Variants in AKAP7 observed in about 807,000 individuals in gnomAD.
AKAP7 encodes the protein A-kinase anchoring protein 7.
Under a neutral mutation model 39.5 loss-of-function variants are expected in AKAP7, and 39 were observed. The ratio of observed to expected loss-of-function variants is 0.99; its 90% CI spans 0.76 to 1.29. The LOEUF (loss-of-function observed/expected upper bound fraction) is 1.29, where lower values mean the gene tolerates loss of function less well. AKAP7 is among the 50% of genes most tolerant of loss of function. AKAP7 has a pLI of 0.00. For missense variants in AKAP7, 414 were observed against 407.7 expected, an observed-to-expected ratio of 1.02 and a Z score of -0.13; for synonymous variants, 140 against 139.1, an observed-to-expected ratio of 1.01 and a Z score of -0.05.
chr6:131,254,651 C>G (rs1187271172), intron 7 of AKAP7, among the ~76,000 whole-genome samples: 1 of 152,126 alleles, frequency 6.6e-6, no homozygotes, highest in Admixed American at 6.6e-5. Context: ...TATTCAAGGA[C>G]AGGATGGGGA....
chr6:131,184,751 C>T, intron 5 of AKAP7: 1 of 1,042,242 alleles, frequency 9.6e-7, no homozygotes, highest in South Asian at 1.3e-5. Context: ...CTCTGGGAAA[C>T]AGGAGTGGGT....
At chr6:131,222,368 G>A (rs1372647350) in intron 7 of AKAP7, among the ~76,000 whole-genome samples, 5 of 151,782 alleles carry the variant, frequency 3.3e-5, no homozygotes, top group Non-Finnish European at 5.9e-5. Flanking sequence ...TACTAAAAAT[G>A]CAAAAAATAC....
intron 7 of AKAP7, among the ~76,000 whole-genome samples, chr6:131,220,601 G>A (rs2128298325): frequency 6.6e-6 from 1 of 151,998 alleles, no homozygotes; most frequent in Middle Eastern, 3.4e-3. Context: ...GTTTTATTGT[G>A]CTTTGCTTTA....
intron 5 of AKAP7, among the ~76,000 whole-genome samples, chr6:131,182,810 A>T (rs1480984182): frequency 6.6e-6 from 1 of 151,836 alleles, no homozygotes; most frequent in Non-Finnish European, 1.5e-5. Context: ...TTTTTTGATA[A>T]TGGCCCTTTT....
intron 3 of AKAP7, among the ~76,000 whole-genome samples, chr6:131,162,942 C>G (rs1487257127): frequency 6.6e-6 from 1 of 152,224 alleles, no homozygotes; most frequent in African/African-American, 2.4e-5. Flanking sequence ...TTAGTGCATG[C>G]CCATACCTAG....
intron 5 of AKAP7, chr6:131,184,346 G>A: frequency 3.1e-6 from 2 of 645,488 alleles, no homozygotes; most frequent in South Asian, 2.7e-5. Context: ...TCTTGTTCTG[G>A]TAGATGGAAG....
chr6:131,270,155 A>G (rs1814151473), intron 7 of AKAP7, among the ~76,000 whole-genome samples: 1 of 152,238 alleles, frequency 6.6e-6, no homozygotes, highest in African/African-American at 2.4e-5. Context: ...TAATCAGCAC[A>G]GAGTCATAGC....
At chr6:131,274,538 A>G (rs1219119520) in intron 7 of AKAP7, among the ~76,000 whole-genome samples, 1 of 151,980 alleles carries the variant, frequency 6.6e-6, no homozygotes, top group Non-Finnish European at 1.5e-5. Flanking sequence ...TGGTCTCACT[A>G]TGTTGCTCAG....
chr6:131,250,046 A>C (rs1441755088), intron 7 of AKAP7: 20 of 399,350 alleles, frequency 5.0e-5, no homozygotes, highest in Non-Finnish European at 2.4e-5. Flanking sequence ...GTGTTCTGCT[A>C]TGTTGGGTTT....
chr6:131,281,464 C>A lies in AKAP7; in HGVS notation c.851-66C>A. On this transcript the variant is annotated intron_variant, in intron 7 of 7. Transcript: ENST00000431975. This position sits in a 1 kb window ranked among gnomAD's most constrained non-coding sequence, Gnocchi z 4.0. The stretch of plus-strand genomic sequence containing the variant: ...TTTTTAACCAATGGAACTAGCCGGC[C>A]CCTGCATGCCAAGTTTCTATGGCAA... 1 of 1,325,798 alleles carries A rather than the reference C, an allele frequency of 7.5e-7. No individual in the cohort carries two copies. Among genetic ancestry groups the A allele is most frequent in the Non-Finnish European group, 1.0e-6 (1 of 980,438 alleles). 82.1% of individuals were successfully genotyped at this position (1,325,798 alleles called of 1,614,324 possible).
chr6:131,164,963 A>T, intron 3 of AKAP7, 118 bp from the exon 4 acceptor site: 2 of 754,780 alleles, frequency 2.6e-6, no homozygotes, highest in East Asian at 2.8e-5. Context: ...GAAGAATCTT[A>T]ACATTGTTCT....
rs575956502 is a variant in AKAP7 at position 131,195,607 on chromosome 6, G to A, written c.590-3854G>A. ...TTTTCAGATTGAAAAACTCTCTTTA[G>A]CATTTCTTATAGAACAGGTCTGGTG... On this transcript the variant is annotated intron_variant, in intron 5 of 7. Transcript: ENST00000431975. Among the ~76,000 whole-genome samples, 254 of 152,108 alleles carry A rather than the reference G, an allele frequency of 1.7e-3. 1 individual carries two copies. The highest frequency in any genetic ancestry group is 4.8e-3 in the African/African-American group (201 of 41,510).
intron 7 of AKAP7, among the ~76,000 whole-genome samples, chr6:131,247,635 T>C (rs1318382158): frequency 6.6e-6 from 1 of 151,816 alleles, no homozygotes; most frequent in East Asian, 1.9e-4. Context: ...TTATTTCTTT[T>C]ATAGAGACAG....
chr6:131,151,691 A>C (rs769907629), intron 2 of AKAP7, among the ~76,000 whole-genome samples: 7 of 152,162 alleles, frequency 4.6e-5, no homozygotes, highest in Non-Finnish European at 4.4e-5. Flanking sequence ...GGTTGCAGTG[A>C]GTCAAGATTG....
At position 131,282,243 on chromosome 6, in the gene AKAP7, T is replaced by C. The variant is rs558863813; in HGVS notation, c.*517T>C. On this transcript the variant is annotated 3_prime_UTR_variant, in exon 8 of 8. Coordinates refer to ENST00000431975, the MANE Select transcript of AKAP7 (RefSeq NM_016377.4). Reference sequence around the variant, plus strand: ...TGCTATGCAGTGTGATCTTTATTTATAGTAAATTATGTTTCATGTAAATGA... The same window carrying C: ...TGCTATGCAGTGTGATCTTTATTTACAGTAAATTATGTTTCATGTAAATGA... 41 of 1,349,992 alleles carry C rather than the reference T, an allele frequency of 3.0e-5. No homozygotes were observed. The African/African-American group carries it at 5.4e-4, about 18-fold the overall frequency. 83.6% of individuals were successfully genotyped at this position (1,349,992 alleles called of 1,614,324 possible).
Position 131,248,933 on chromosome 6 carries a change from G to A in AKAP7, c.850+29125G>A, listed in dbSNP as rs1184743085. On this transcript the variant is annotated intron_variant, in intron 7 of 7. Transcript: ENST00000431975. ...TATTTATAAGTCACTAAGCTGTGAA[G>A]AAACCCAACTGGTTATAAAAGTGGA... Among the ~76,000 whole-genome samples the A allele has an allele frequency of 2.8e-4, 43 of 152,188 alleles. 1 individual carries two copies. The highest frequency in any genetic ancestry group is 1.3e-4 in the Non-Finnish European group (9 of 68,034).
intron 7 of AKAP7, among the ~76,000 whole-genome samples, chr6:131,238,560 T>C (rs1157597648): frequency 6.6e-6 from 1 of 152,206 alleles, no homozygotes; most frequent in East Asian, 1.9e-4. Flanking sequence ...TGTAGGTCTC[T>C]AAGGACTTGC....
Position 131,282,726 on chromosome 6 carries a change from G to A in AKAP7, c.*1000G>A. ...GCACAACAGCAAACCAACATTTGGTGAGGAATTAGCAATTTCTTGCCAAAG... is the reference window on the plus strand; with the variant it reads ...GCACAACAGCAAACCAACATTTGGTAAGGAATTAGCAATTTCTTGCCAAAG... On this transcript the variant is annotated 3_prime_UTR_variant, in exon 8 of 8. Coordinates refer to ENST00000431975, the MANE Select transcript of AKAP7 (RefSeq NM_016377.4). 1.4e-6 allele frequency: 1 copy of A among 732,852 alleles called. No homozygotes were observed. Among genetic ancestry groups the A allele is most frequent in the Non-Finnish European group, 2.0e-6 (1 of 498,336 alleles). 45.4% of individuals were successfully genotyped at this position (732,852 alleles called of 1,614,324 possible). A position where few individuals can be genotyped will look rare whatever the true frequency, so the allele number is the denominator to read the frequency against.
At chr6:131,277,867 T>A (rs1814872967) in intron 7 of AKAP7, among the ~76,000 whole-genome samples, 1 of 152,160 alleles carries the variant, frequency 6.6e-6, no homozygotes, top group African/African-American at 2.4e-5. Context: ...GTTGGTTGGT[T>A]AGTTAGTTAT....
Sources: gnomAD v4.1 joint callset for allele counts (sites outside exome capture counted in the v4.1 genomes callset) on GRCh38, gnomAD v4.1.1 for gene constraint, Gnocchi (gnomAD v3.1) non-coding constraint, MANE v1.5 for transcripts, NCBI Gene and HGNC (gene_info 2026-07-23, HGNC 2026-07-21) for gene names.